Variants in CSMD1 observed in about 807,000 individuals in gnomAD.
CSMD1 encodes CUB and sushi domain-containing protein 1.
In CSMD1, 213 loss-of-function variants were observed where a neutral mutation model predicts 417.5. The observed-to-expected ratio is 0.51, with a 90% CI of 0.46 to 0.57. The LOEUF (loss-of-function observed/expected upper bound fraction) is 0.57, where lower values mean the gene tolerates loss of function less well. Among genes scored for constraint, CSMD1 ranks in the 20% least tolerant of loss-of-function variants. The pLI is 0.00. For missense variants in CSMD1, 6,923 were observed against 4,529.7 expected, an observed-to-expected ratio of 1.53 and a Z score of -15.17; for synonymous variants, 2,862 against 1,736.8, an observed-to-expected ratio of 1.65 and a Z score of -16.11.
At chr8:4,567,691 A>G (rs1798681886) in intron 2 of CSMD1, among the ~76,000 whole-genome samples, 1 of 152,200 alleles carries the variant, frequency 6.6e-6, no homozygotes, top group African/African-American at 2.4e-5. Context: ...GATTTTCACA[A>G]TACATTATAG....
At chr8:3,731,548 T>C (rs1796262248) in intron 6 of CSMD1, among the ~76,000 whole-genome samples, 1 of 152,178 alleles carries the variant, frequency 6.6e-6, no homozygotes, top group Non-Finnish European at 1.5e-5. Flanking sequence ...GCTGGGGTGA[T>C]TTGATTCCAC....
intron 3 of CSMD1, among the ~76,000 whole-genome samples, chr8:4,252,280 T>A (rs1803133751): frequency 6.6e-6 from 1 of 152,226 alleles, no homozygotes; most frequent in South Asian, 2.1e-4. Context: ...TCCTGTGAGT[T>A]GTCTTCTGTC....
intron 5 of CSMD1, among the ~76,000 whole-genome samples, chr8:3,862,262 T>A (rs1285325441): frequency 6.6e-6 from 1 of 152,226 alleles, no homozygotes; most frequent in Non-Finnish European, 1.5e-5. Flanking sequence ...CTTAGGGGAC[T>A]GTGATAACTT....
chr8:3,887,401 T>G (rs976419862), intron 5 of CSMD1, among the ~76,000 whole-genome samples: 10 of 152,178 alleles, frequency 6.6e-5, no homozygotes, highest in Non-Finnish European at 1.3e-4. Flanking sequence ...CAAGTTACCT[T>G]CTACTCTGTC....
At chr8:4,153,481 C>T (rs1796674589) in intron 3 of CSMD1, among the ~76,000 whole-genome samples, 1 of 152,228 alleles carries the variant, frequency 6.6e-6, no homozygotes, top group Non-Finnish European at 1.5e-5. Flanking sequence ...CTCTGCTTCC[C>T]AGTCTTTCTG....
chr8:3,937,677 G>T (rs967114716), intron 5 of CSMD1, among the ~76,000 whole-genome samples: 1 of 152,114 alleles, frequency 6.6e-6, no homozygotes, highest in African/African-American at 2.4e-5. Context: ...AAGTACGGCT[G>T]CATATCAATA....
At chr8:4,934,065 A>AG (rs946205666) in intron 1 of CSMD1, among the ~76,000 whole-genome samples, 5 of 152,160 alleles carry the variant, frequency 3.3e-5, no homozygotes, top group Admixed American at 1.3e-4. Flanking sequence ...AATGCAAAGA[A>AG]GGTCTCCATG....
At chr8:3,974,340 T>C (rs1585059891) in intron 5 of CSMD1, among the ~76,000 whole-genome samples, 1 of 151,946 alleles carries the variant, frequency 6.6e-6, no homozygotes, top group Non-Finnish European at 1.5e-5. Context: ...ACTGTTTGAG[T>C]AGTTGAAAGA....
intron 7 of CSMD1, among the ~76,000 whole-genome samples, chr8:3,667,621 C>G (rs1182984715): frequency 6.6e-6 from 1 of 152,010 alleles, no homozygotes; most frequent in Non-Finnish European, 1.5e-5. Flanking sequence ...GAGGAGTCCT[C>G]CTCCTTATTT....
chr8:4,606,809 A>T (rs1800892893), intron 2 of CSMD1, among the ~76,000 whole-genome samples: 1 of 152,228 alleles, frequency 6.6e-6, no homozygotes, highest in South Asian at 2.1e-4. Flanking sequence ...CTCCCCAAAT[A>T]GAAAACTAAT....
intron 5 of CSMD1, among the ~76,000 whole-genome samples, chr8:3,962,489 C>T (rs1339842773): frequency 6.6e-6 from 1 of 152,176 alleles, no homozygotes; most frequent in African/African-American, 2.4e-5. Context: ...CTGTTTATGA[C>T]AGCCAGCATG....
chr8:3,457,427 G>T (rs1458935449), intron 12 of CSMD1, among the ~76,000 whole-genome samples: 1 of 152,208 alleles, frequency 6.6e-6, no homozygotes, highest in Non-Finnish European at 1.5e-5. Context: ...TTTCCCAAGA[G>T]AAAAGCAGAA....
chr8:3,956,890 T>C (rs1046142446), intron 5 of CSMD1, among the ~76,000 whole-genome samples: 1 of 152,168 alleles, frequency 6.6e-6, no homozygotes, highest in Non-Finnish European at 1.5e-5. Context: ...GTACAGGTGA[T>C]TATCTCTGCA....
chr8:3,999,977 G>A (rs184790522), intron 4 of CSMD1, among the ~76,000 whole-genome samples: 4 of 152,296 alleles, frequency 2.6e-5, no homozygotes, highest in African/African-American at 7.2e-5. Flanking sequence ...TAAAAATTAT[G>A]CTACCACGGT....
intron 1 of CSMD1, among the ~76,000 whole-genome samples, chr8:4,860,011 A>C (rs912235896): frequency 4.6e-5 from 7 of 152,168 alleles, no homozygotes; most frequent in Non-Finnish European, 1.0e-4. Flanking sequence ...GAACCAACCC[A>C]AATGTCCAAC....
chr8:4,946,272 G>A (rs577539035), intron 1 of CSMD1, among the ~76,000 whole-genome samples: 1 of 152,184 alleles, frequency 6.6e-6, no homozygotes, highest in Non-Finnish European at 1.5e-5. Context: ...CTTGTGAGAT[G>A]AAGAAAGCTT....
chr8:3,253,954 T>A (rs1167828186), intron 26 of CSMD1, among the ~76,000 whole-genome samples: 4 of 152,190 alleles, frequency 2.6e-5, no homozygotes, highest in African/African-American at 9.6e-5. Flanking sequence ...TAGTTGATGC[T>A]GTTTCTTCCT....
chr8:4,990,183 C>A (rs1811387580), intron 1 of CSMD1, among the ~76,000 whole-genome samples: 1 of 152,190 alleles, frequency 6.6e-6, no homozygotes, highest in African/African-American at 2.4e-5. Flanking sequence ...AAACCTGTCA[C>A]TTCCGAAGAA....
At chr8:3,985,094 G>C (rs936612646) in intron 5 of CSMD1, among the ~76,000 whole-genome samples, 3 of 151,930 alleles carry the variant, frequency 2.0e-5, no homozygotes, top group South Asian at 2.1e-4. Flanking sequence ...TGTTACTTAG[G>C]GGGGACTTGT....
Sources: gnomAD v4.1 joint callset for allele counts (sites outside exome capture counted in the v4.1 genomes callset) on GRCh38, gnomAD v4.1.1 for gene constraint, MANE v1.5 for transcripts, NCBI Gene and HGNC (gene_info 2026-07-23, HGNC 2026-07-21) for gene names.